The following KSR2 variants were observed in gnomAD, a reference collection of about 807,000 sequenced individuals.
KSR2 encodes the protein kinase suppressor of ras 2.
A neutral mutation model predicts 107.8 loss-of-function variants in KSR2; 25 were observed. The observed-to-expected ratio is 0.23, with a 90% CI of 0.17 to 0.32. The LOEUF (loss-of-function observed/expected upper bound fraction) is 0.32, where lower values mean the gene tolerates loss of function less well. Among genes scored for constraint, KSR2 ranks in the 10% least tolerant of loss-of-function variants. The pLI is 1.00. For synonymous variants in KSR2, 480 were observed against 507.0 expected (o/e 0.95, Z 0.71); for missense variants, 887 against 1,268.9 (o/e 0.70, Z 4.57).
At chr12:117,756,066 A>G (rs1888778967) in intron 4 of KSR2, among the ~76,000 whole-genome samples, 1 of 152,242 alleles carries the variant, frequency 6.6e-6, no homozygotes, top group Admixed American at 6.5e-5. Context: ...GTTGGCTTAT[A>G]AGGTTTGTGG....
At chr12:117,602,717 G>T (rs557565087) in intron 5 of KSR2, among the ~76,000 whole-genome samples, 9 of 152,106 alleles carry the variant, frequency 5.9e-5, no homozygotes, top group Non-Finnish European at 1.3e-4. Context: ...GAATATTTGC[G>T]TATAGGTATT....
intron 4 of KSR2, among the ~76,000 whole-genome samples, chr12:117,735,313 C>A (rs1337980354): frequency 6.6e-6 from 1 of 152,186 alleles, no homozygotes; most frequent in Non-Finnish European, 1.5e-5. Context: ...GTGAATAGAT[C>A]TGGGGCATTT....
intron 4 of KSR2, among the ~76,000 whole-genome samples, chr12:117,671,257 C>T (rs1884893206): frequency 6.6e-6 from 1 of 152,160 alleles, no homozygotes. Context: ...GAAAGCATTC[C>T]CTAATACTCC....
At chr12:117,594,937 C>T (rs1880544904) in intron 5 of KSR2, among the ~76,000 whole-genome samples, 1 of 151,678 alleles carries the variant, frequency 6.6e-6, no homozygotes, top group Non-Finnish European at 1.5e-5. Context: ...CACTGTCCAG[C>T]TCCAAATGTC....
chr12:117,793,292 C>CCAA (rs145790951), intron 3 of KSR2, among the ~76,000 whole-genome samples: 74,312 of 134,298 alleles, frequency 0.55, 21,388 homozygotes, highest in East Asian at 0.77. Context: ...ATGCAACATA[C>CCAA]CATACACACA....
intron 15 of KSR2, among the ~76,000 whole-genome samples, chr12:117,485,241 G>A (rs944181644): frequency 1.3e-5 from 2 of 152,168 alleles, no homozygotes; most frequent in Non-Finnish European, 1.5e-5. Flanking sequence ...CAGCAGTGGA[G>A]AGAGATGGTT....
chr12:117,862,962 C>A (rs1893359817), intron 1 of KSR2, among the ~76,000 whole-genome samples: 1 of 152,142 alleles, frequency 6.6e-6, no homozygotes, highest in African/African-American at 2.4e-5. Context: ...ATCTCCTGAT[C>A]TCGTGATCCA....
intron 1 of KSR2, among the ~76,000 whole-genome samples, chr12:117,934,004 C>T (rs762065590): frequency 3.8e-4 from 58 of 152,174 alleles, no homozygotes; most frequent in Non-Finnish European, 7.8e-4. Flanking sequence ...ATCCAGCCGA[C>T]GTTGCAAACT....
chr12:117,739,890 G>GTT (rs755449707), intron 4 of KSR2, among the ~76,000 whole-genome samples: 1 of 113,402 alleles, frequency 8.8e-6, no homozygotes, highest in Non-Finnish European at 1.9e-5. Context: ...GGGTGTTACT[G>GTT]TTTTTTTTTT....
At chr12:117,783,633 G>A (rs1213612197) in intron 3 of KSR2, among the ~76,000 whole-genome samples, 1 of 152,242 alleles carries the variant, frequency 6.6e-6, no homozygotes, top group African/African-American at 2.4e-5. Context: ...CAGGTGGGTA[G>A]GGCAGGGGAG....
At chr12:117,731,793 G>T (rs1372891304) in intron 4 of KSR2, among the ~76,000 whole-genome samples, 1 of 151,228 alleles carries the variant, frequency 6.6e-6, no homozygotes, top group Non-Finnish European at 1.5e-5. Flanking sequence ...AATGGATTAA[G>T]GGCGGTGCAA....
At chr12:117,936,225 G>A (rs1178925640) in intron 1 of KSR2, among the ~76,000 whole-genome samples, 1 of 151,556 alleles carries the variant, frequency 6.6e-6, no homozygotes, top group Non-Finnish European at 1.5e-5. Flanking sequence ...ATGATGTTTT[G>A]CCATGTTGCC....
chr12:117,772,533 A>G (rs539501799), intron 3 of KSR2, among the ~76,000 whole-genome samples: 211 of 145,756 alleles, frequency 1.4e-3, no homozygotes, highest in African/African-American at 5.2e-3. Context: ...ACACTCATAC[A>G]TACACACCAT....
intron 14 of KSR2, among the ~76,000 whole-genome samples, chr12:117,505,991 G>A (rs1873655998): frequency 6.6e-6 from 1 of 152,108 alleles, no homozygotes; most frequent in South Asian, 2.1e-4. Flanking sequence ...CTTCCCCATG[G>A]CTGAGAGGCT....
At chr12:117,556,755 T>C (rs1343184539) in intron 8 of KSR2, among the ~76,000 whole-genome samples, 1 of 152,194 alleles carries the variant, frequency 6.6e-6, no homozygotes, top group Admixed American at 6.5e-5. Context: ...AGCAAGTTGC[T>C]GTACCCTAAA....
intron 4 of KSR2, among the ~76,000 whole-genome samples, chr12:117,704,104 G>T (rs552139554): frequency 5.9e-5 from 9 of 151,998 alleles, no homozygotes; most frequent in African/African-American, 2.2e-4. Context: ...ATTGGGGAGG[G>T]CATTTCATAT....
intron 17 of KSR2, among the ~76,000 whole-genome samples, chr12:117,472,554 A>G (rs562058973): frequency 1.3e-5 from 2 of 152,312 alleles, no homozygotes; most frequent in South Asian, 4.1e-4. Flanking sequence ...TAAAGAACAC[A>G]AAGCACTCTG....
rs544321965 is a variant in KSR2 at position 117,767,035 on chromosome 12, G to T, written c.473-5511C>A. Among the ~76,000 whole-genome samples, 5 of 151,766 alleles carry T rather than the reference G, an allele frequency of 3.3e-5. No homozygotes were observed. The South Asian group carries it at 1.0e-3, about 32-fold the overall frequency. On this transcript the variant is annotated intron_variant, in intron 3 of 19. Coordinates refer to ENST00000339824, the MANE Select transcript of KSR2 (RefSeq NM_173598.6). ...GAGTAGTTGGGACTACAGTGGCCTCGTGATCCACCAGCCTCAACCTCCCAA... is the reference window on the plus strand; with the variant it reads ...GAGTAGTTGGGACTACAGTGGCCTCTTGATCCACCAGCCTCAACCTCCCAA...
At chr12:117,647,219 C>T (rs552597728) in intron 5 of KSR2, among the ~76,000 whole-genome samples, 13 of 152,228 alleles carry the variant, frequency 8.5e-5, no homozygotes, top group East Asian at 1.9e-4. Context: ...GAGTGAAGGG[C>T]GAAGAAGCTA....
Sources: gnomAD v4.1 joint callset for allele counts (sites outside exome capture counted in the v4.1 genomes callset) on GRCh38, gnomAD v4.1.1 for gene constraint, MANE v1.5 for transcripts, NCBI Gene and HGNC (gene_info 2026-07-23, HGNC 2026-07-21) for gene names.